The following PDXDC1 variants were observed in gnomAD, a reference collection of about 807,000 sequenced individuals.
PDXDC1 encodes the protein pyridoxal-dependent decarboxylase domain-containing protein 1.
PDXDC1 carries 42 observed loss-of-function variants against 100.1 expected under a neutral mutation model. The ratio of observed to expected loss-of-function variants is 0.42; its 90% CI spans 0.33 to 0.54. The LOEUF is 0.54. Ranked by LOEUF, PDXDC1 falls within the 20% of genes least tolerant of loss-of-function variation. The pLI, the probability that PDXDC1 is intolerant of heterozygous loss-of-function variation, is 0.10. For missense variants in PDXDC1, 636 were observed against 979.2 expected, an observed-to-expected ratio of 0.65 and a Z score of 4.68; for synonymous variants, 260 against 371.7, an observed-to-expected ratio of 0.70 and a Z score of 3.46.
At chr16:15,139,945 A>T (rs1287409247), downstream of PDXDC1, among the ~76,000 whole-genome samples, 1 of 151,698 alleles carries the variant, frequency 6.6e-6, no homozygotes, top group Non-Finnish European at 1.5e-5. Context: ...AAAATGCAAA[A>T]ATTAGGTGGG....
intron 16 of PDXDC1, chr16:15,137,343 C>T (rs1037418306): frequency 2.9e-5 from 43 of 1,490,156 alleles, no homozygotes; most frequent in Admixed American, 2.4e-4. Flanking sequence ...GACAGGCAGG[C>T]GAAGGAGGCA....
At chr16:15,034,021 A>G (rs2043235448) in intron 19 of PDXDC1, 1 of 563,192 alleles carries the variant, frequency 1.8e-6, no homozygotes, top group Non-Finnish European at 3.2e-6. Flanking sequence ...TGGACTCCTT[A>G]AGGTTTCTTT....
intron 16 of PDXDC1, chr16:15,131,619 G>C: frequency 6.2e-7 from 1 of 1,600,256 alleles, no homozygotes; most frequent in Non-Finnish European, 8.5e-7. Flanking sequence ...TGTAGGCCTG[G>C]GACGCCACCA....
At chr16:15,076,765 T>G in intron 16 of PDXDC1, 1 of 700,052 alleles carries the variant, frequency 1.4e-6, no homozygotes, top group Non-Finnish European at 2.6e-6. Context: ...ATTAGTGCCT[T>G]ATATCACACC....
chr16:15,040,879 A>T (rs1035735468), downstream of PDXDC1, among the ~76,000 whole-genome samples: 2 of 152,122 alleles, frequency 1.3e-5, no homozygotes, highest in Non-Finnish European at 2.9e-5. Flanking sequence ...ATGTTATCTC[A>T]GTTTTATAGG....
chr16:15,062,094 G>C (rs1042370723), intron 16 of PDXDC1, among the ~76,000 whole-genome samples: 2 of 152,192 alleles, frequency 1.3e-5, no homozygotes, highest in South Asian at 2.1e-4. Flanking sequence ...TGGGAGGACT[G>C]CTTGAGCTCA....
At chr16:15,080,953 G>T (rs537561855) in intron 16 of PDXDC1, among the ~76,000 whole-genome samples, 1 of 151,896 alleles carries the variant, frequency 6.6e-6, no homozygotes, top group African/African-American at 2.4e-5. Context: ...TGTTTTTAGG[G>T]TTCAATCATG....
chr16:14,990,937 T>G (rs1342039768), intron 1 of PDXDC1, among the ~76,000 whole-genome samples: 1 of 152,286 alleles, frequency 6.6e-6, no homozygotes, highest in African/African-American at 2.4e-5. Flanking sequence ...GACGGGATTT[T>G]GCCGTGTTAG....
intron 16 of PDXDC1, among the ~76,000 whole-genome samples, chr16:15,054,729 C>T (rs1298873583): frequency 6.6e-6 from 1 of 152,138 alleles, no homozygotes; most frequent in Non-Finnish European, 1.5e-5. Flanking sequence ...CTTTACTGAG[C>T]GCCAATTCTA....
intron 1 of PDXDC1, among the ~76,000 whole-genome samples, chr16:14,982,792 G>C (rs1218950966): frequency 6.6e-6 from 1 of 152,274 alleles, no homozygotes; most frequent in Non-Finnish European, 1.5e-5. Flanking sequence ...CGTGTGTGGT[G>C]TTTGGGGAAC....
intron 16 of PDXDC1, chr16:15,121,957 A>G: frequency 4.1e-6 from 1 of 241,084 alleles, no homozygotes; most frequent in South Asian, 4.0e-5. Flanking sequence ...CCTGGCGAAC[A>G]TGGTGAAACC....
At chr16:15,088,020 AG>A (rs1402629729) in intron 16 of PDXDC1, among the ~76,000 whole-genome samples, 1 of 152,074 alleles carries the variant, frequency 6.6e-6, no homozygotes, top group Non-Finnish European at 1.5e-5. Context: ...AGGCTGAGGC[AG>A]GAGAATTGCT....
At chr16:15,021,972 G>A (rs1374605289) in intron 12 of PDXDC1, among the ~76,000 whole-genome samples, 7 of 152,290 alleles carry the variant, frequency 4.6e-5, no homozygotes. Context: ...ACTGATGACA[G>A]TGTATTCAGA....
At chr16:15,131,201 A>G (rs2048038720) in intron 16 of PDXDC1, 2 of 1,588,496 alleles carry the variant, frequency 1.3e-6, no homozygotes, top group Non-Finnish European at 1.7e-6. Flanking sequence ...GAGTTGGCAG[A>G]GCTGCGGTGG....
chr16:15,071,353 T>G, intron 16 of PDXDC1: 1 of 1,076,176 alleles, frequency 9.3e-7, no homozygotes, highest in African/African-American at 1.6e-5. Flanking sequence ...GGAAAAGTTC[T>G]ACTATCTCAT....
At chr16:15,090,076 G>A (rs546137133) in intron 16 of PDXDC1, among the ~76,000 whole-genome samples, 4 of 152,032 alleles carry the variant, frequency 2.6e-5, no homozygotes, top group African/African-American at 9.6e-5. Context: ...CAGGCATGGT[G>A]GCGGGTGCCT....
At chr16:15,141,352 C>T (rs1274599570), downstream of PDXDC1, among the ~76,000 whole-genome samples, 3 of 152,256 alleles carry the variant, frequency 2.0e-5, no homozygotes, top group Non-Finnish European at 2.9e-5. Flanking sequence ...AGGCCTTCTC[C>T]GTGCCAGGAA....
chr16:15,133,840 C>A (rs879119139), intron 16 of PDXDC1: 40 of 1,578,000 alleles, frequency 2.5e-5, no homozygotes, highest in Non-Finnish European at 3.3e-5. Context: ...TGCACAGCGC[C>A]CAGTGGGAAG....
chr16:15,056,086 C>A (rs537239666), intron 16 of PDXDC1: 114 of 296,956 alleles, frequency 3.8e-4, no homozygotes, highest in African/African-American at 2.4e-3. Flanking sequence ...TCCTGCCCCG[C>A]CCCACCGCGG....
Sources: allele counts gnomAD v4.1 joint callset (sites outside exome capture counted in the v4.1 genomes callset), GRCh38; gene constraint gnomAD v4.1.1; transcripts MANE v1.5; gene names NCBI Gene and HGNC (gene_info 2026-07-23, HGNC 2026-07-21).